PDE7B: variants seen among roughly 807,000 people sequenced by gnomAD.
PDE7B encodes phosphodiesterase 7B, also known as 3',5'-cyclic-AMP phosphodiesterase 7B.
PDE7B carries 29 observed loss-of-function variants against 56.2 expected under a neutral mutation model. The observed-to-expected ratio is 0.52, with a 90% CI of 0.38 to 0.70. The LOEUF (loss-of-function observed/expected upper bound fraction) is 0.70. Ranked by LOEUF, PDE7B falls within the 30% of genes least tolerant of loss-of-function variation. PDE7B has a pLI of 0.00. For missense variants in PDE7B, 490 were observed against 565.0 expected, an observed-to-expected ratio of 0.87 and a Z score of 1.35; for synonymous variants, 197 against 196.9, an observed-to-expected ratio of 1.00 and a Z score of 0.00.
rs543828041 is a variant in PDE7B, at chr6:136,046,330, A to G, written c.83-62401A>G. 1.7e-3 allele frequency: 258 copies of G among 152,348 alleles called. 2 individuals are homozygous for G. Among genetic ancestry groups the G allele is most frequent in the African/African-American group, 5.8e-3 (241 of 41,576 alleles). 9.4% of individuals were successfully genotyped at this position (152,348 alleles called of 1,614,324 possible). ...CGCACTCAAATATGTGATGAAACGT[A>G]GCCTGAGTCTCTTCTTCAACCAAGA... is the stretch of plus-strand genomic sequence containing the variant. On this transcript the variant is annotated intron_variant, in intron 2 of 12. Coordinates refer to ENST00000308191, the MANE Select transcript of PDE7B (RefSeq NM_018945.4).
intron 3 of PDE7B, among the ~76,000 whole-genome samples, chr6:136,114,285 C>A (rs572325395): frequency 6.6e-6 from 1 of 152,230 alleles, no homozygotes; most frequent in South Asian, 2.1e-4. Flanking sequence ...CCAATATATA[C>A]AAACATATAT....
At chr6:136,050,433 G>T (rs142426342) in intron 2 of PDE7B, among the ~76,000 whole-genome samples, 13 of 151,986 alleles carry the variant, frequency 8.6e-5, no homozygotes, top group African/African-American at 3.1e-4. Context: ...AATGCCAAAG[G>T]TGAGAATTTC....
At chr6:136,024,949 G>T (rs892627463) in intron 2 of PDE7B, among the ~76,000 whole-genome samples, 1 of 152,096 alleles carries the variant, frequency 6.6e-6, no homozygotes, top group East Asian at 1.9e-4. Flanking sequence ...TGTTTTCTAC[G>T]ACCAATCTGT....
chr6:136,139,486 G>A (rs1001121308), intron 3 of PDE7B, among the ~76,000 whole-genome samples: 5 of 152,174 alleles, frequency 3.3e-5, no homozygotes, highest in Admixed American at 3.3e-4. Context: ...TATATACCCG[G>A]TAATGGGATG....
rs113584198 is a variant in PDE7B, at chr6:135,989,753, A to G, written c.82+42229A>G. On this transcript the variant is annotated intron_variant, in intron 2 of 12. Transcript: ENST00000308191. ...ATTCTAGAGAATTGGTTTAATTACA[A>G]TGGTTTATGTTGGTTTTTCAGGAGT... Among the ~76,000 whole-genome samples, 889 of 152,270 alleles carry G rather than the reference A, an allele frequency of 5.8e-3. 11 individuals carry two copies. The highest frequency in any genetic ancestry group is 0.027 in the Middle Eastern group (8 of 294).
intron 1 of PDE7B, among the ~76,000 whole-genome samples, chr6:135,923,272 G>A (rs959962649): frequency 6.6e-6 from 1 of 152,098 alleles, no homozygotes; most frequent in South Asian, 2.1e-4. Flanking sequence ...TCTGCACTAG[G>A]CATGGAGACA....
chr6:135,868,752 T>A (rs1357902711), intron 1 of PDE7B, among the ~76,000 whole-genome samples: 2 of 152,216 alleles, frequency 1.3e-5, no homozygotes, highest in Non-Finnish European at 2.9e-5. Context: ...ACTTGTGTAA[T>A]GAACACAGTT....
intron 2 of PDE7B, chr6:136,037,978 T>C: frequency 8.2e-7 from 1 of 1,226,086 alleles, no homozygotes; most frequent in Non-Finnish European, 1.0e-6. Flanking sequence ...GGAAAAAAAA[T>C]GCATTCTATC....
chr6:136,125,380 C>T (rs946741994), intron 3 of PDE7B, among the ~76,000 whole-genome samples: 2 of 151,892 alleles, frequency 1.3e-5, no homozygotes, highest in African/African-American at 4.8e-5. Context: ...TTGAGATCAG[C>T]CTGGGAAAAG....
At chr6:135,941,338 C>T (rs960915092) in intron 1 of PDE7B, among the ~76,000 whole-genome samples, 3 of 152,212 alleles carry the variant, frequency 2.0e-5, no homozygotes, top group African/African-American at 4.8e-5. Flanking sequence ...TGCTATCTAG[C>T]ACAGTCATGG....
chr6:135,926,998 T>TA (rs1300295011), intron 1 of PDE7B, among the ~76,000 whole-genome samples: 5 of 152,230 alleles, frequency 3.3e-5, no homozygotes, highest in African/African-American at 1.2e-4. Context: ...TATAGCACCA[T>TA]AATTCTAATT....
intron 2 of PDE7B, among the ~76,000 whole-genome samples, chr6:136,104,624 A>G (rs572263026): frequency 1.3e-5 from 2 of 152,334 alleles, no homozygotes; most frequent in Admixed American, 1.3e-4. Flanking sequence ...GAAATATACC[A>G]TTAACACATA....
chr6:135,858,858 A>G (rs1775088753), intron 1 of PDE7B, among the ~76,000 whole-genome samples: 2 of 152,224 alleles, frequency 1.3e-5, no homozygotes, highest in Non-Finnish European at 2.9e-5. Flanking sequence ...TTAACTATAC[A>G]TGCAAAATTA....
intron 2 of PDE7B, among the ~76,000 whole-genome samples, chr6:135,964,109 C>A (rs554729332): frequency 6.7e-6 from 1 of 148,904 alleles, no homozygotes; most frequent in South Asian, 2.1e-4. Flanking sequence ...TTTTTTTTTT[C>A]TTTTATTTTT....
chr6:135,953,306 AT>A (rs1309593952), intron 2 of PDE7B, among the ~76,000 whole-genome samples: 2 of 152,194 alleles, frequency 1.3e-5, no homozygotes, highest in Non-Finnish European at 1.5e-5. Flanking sequence ...TCTTAAAAAA[AT>A]AATACACAAT....
chr6:136,024,332 G>A (rs1359402788), intron 2 of PDE7B, among the ~76,000 whole-genome samples: 1 of 152,120 alleles, frequency 6.6e-6, no homozygotes, highest in African/African-American at 2.4e-5. Flanking sequence ...TCGCCTCCAG[G>A]GGCTAGAATT....
chr6:136,019,368 C>T (rs144435191), intron 2 of PDE7B, among the ~76,000 whole-genome samples: 42 of 151,634 alleles, frequency 2.8e-4, no homozygotes, highest in African/African-American at 9.9e-4. Context: ...AGAAGTTGAA[C>T]AGCTAGTACA....
intron 1 of PDE7B, among the ~76,000 whole-genome samples, chr6:135,910,599 C>A (rs924315930): frequency 1.3e-5 from 2 of 152,104 alleles, no homozygotes; most frequent in Admixed American, 6.5e-5. Context: ...CATCCTAAGT[C>A]CATAGAGTCC....
At chr6:135,856,727 T>C in intron 1 of PDE7B, among the ~76,000 whole-genome samples, 1 of 152,208 alleles carries the variant, frequency 6.6e-6, no homozygotes, top group South Asian at 2.1e-4. Flanking sequence ...TTTTGTAGTT[T>C]TGGATAAACC....
Sources: allele counts gnomAD v4.1 joint callset (sites outside exome capture counted in the v4.1 genomes callset), GRCh38; gene constraint gnomAD v4.1.1; transcripts MANE v1.5; gene names NCBI Gene and HGNC (gene_info 2026-07-23, HGNC 2026-07-21).